The following ABCE1 variants were observed in gnomAD, a reference collection of about 807,000 sequenced individuals.
ABCE1 encodes the protein ATP binding cassette subfamily E member 1.
A neutral mutation model predicts 83.4 loss-of-function variants in ABCE1; 22 were observed. That is an observed-to-expected ratio of 0.26 (90% CI 0.19 to 0.38). ABCE1 has a LOEUF of 0.38. Ranked by LOEUF, ABCE1 falls within the 10% of genes least tolerant of loss-of-function variation. The pLI is 1.00. For synonymous variants in ABCE1, 204 were observed against 233.7 expected, an observed-to-expected ratio of 0.87 and a Z score of 1.16; for missense variants, 330 against 721.9, an observed-to-expected ratio of 0.46 and a Z score of 6.22.
chr4:145,101,353 A>G (rs1749151816), intron 1 of ABCE1, among the ~76,000 whole-genome samples: 1 of 152,234 alleles, frequency 6.6e-6, no homozygotes, highest in African/African-American at 2.4e-5. Context: ...CTGGAGCCAT[A>G]CAAGAGCTAG....
rs554127965 is a variant in ABCE1 at position 145,110,602 on chromosome 4, A to G, written c.613+158A>G. Reference sequence around the variant, plus strand: ...GCGATACTCCTGCCTCAGCCTCCCAAGTAGCTGGGATTACAGGCATGTGCC... The same window carrying G: ...GCGATACTCCTGCCTCAGCCTCCCAGGTAGCTGGGATTACAGGCATGTGCC... On this transcript the variant is annotated intron_variant, in intron 7 of 17. Coordinates refer to ENST00000296577, the MANE Select transcript of ABCE1 (RefSeq NM_002940.3). Among the ~76,000 whole-genome samples, 4 of 152,160 alleles carry G rather than the reference A, an allele frequency of 2.6e-5. No homozygotes were observed. The South Asian group carries it at 8.3e-4, about 32-fold the overall frequency.
chr4:145,120,191 G>T (rs1164197985), intron 11 of ABCE1, 38 bp downstream of exon 11: 1 of 1,525,712 alleles, frequency 6.6e-7, no homozygotes, highest in East Asian at 2.3e-5. Flanking sequence ...AAATCTTCCT[G>T]TTTATCTAGT....
At chr4:145,112,733 TATC>T (rs1417094279) in intron 9 of ABCE1, among the ~76,000 whole-genome samples, 3 of 152,302 alleles carry the variant, frequency 2.0e-5, no homozygotes, top group East Asian at 3.9e-4. Flanking sequence ...AAAAGAAAAT[TATC>T]ATAACTTCTG....
At chr4:145,102,012 A>G (rs1009897685) in intron 1 of ABCE1, among the ~76,000 whole-genome samples, 10 of 152,206 alleles carry the variant, frequency 6.6e-5, no homozygotes, top group Non-Finnish European at 1.2e-4. Flanking sequence ...AGCACTCTGC[A>G]TTTAGAAGCC....
chr4:145,109,704 C>T (rs946853851), intron 5 of ABCE1, among the ~76,000 whole-genome samples: 4 of 152,126 alleles, frequency 2.6e-5, no homozygotes, highest in African/African-American at 9.7e-5. Flanking sequence ...AGTGTGAATG[C>T]CGCCCTATTA....
intron 10 of ABCE1, among the ~76,000 whole-genome samples, 164 bp from the exon 11 acceptor site, chr4:145,119,768 A>C (rs1331439579): frequency 6.6e-5 from 10 of 151,896 alleles, no homozygotes; most frequent in Non-Finnish European, 1.0e-4. Context: ...ATTTAAACTT[A>C]CATTAAATAT....
At chr4:145,127,470 T>C in intron 17 of ABCE1, 56 bp from the exon 18 acceptor site, 7 of 1,470,944 alleles carry the variant, frequency 4.8e-6, no homozygotes, top group Non-Finnish European at 4.7e-6. Context: ...AAAGTCTACT[T>C]TTACCTATAG....
chr4:145,121,535 C>T (rs1278015351), intron 13 of ABCE1, 144 bp downstream of exon 13: 4 of 635,352 alleles, frequency 6.3e-6, no homozygotes, highest in East Asian at 2.8e-5. Context: ...ATTAAGAGTC[C>T]AATCCTTGAT....
intron 1 of ABCE1, among the ~76,000 whole-genome samples, chr4:145,101,252 T>C (rs1020069962): frequency 2.6e-5 from 4 of 152,064 alleles, no homozygotes; most frequent in Admixed American, 2.0e-4. Flanking sequence ...TGTAACTCTC[T>C]AGGGGGAATA....
At chr4:145,118,972 G>T (rs891945281) in intron 10 of ABCE1, among the ~76,000 whole-genome samples, 1 of 151,494 alleles carries the variant, frequency 6.6e-6, no homozygotes, top group African/African-American at 2.4e-5. Flanking sequence ...GGCTGCTAAG[G>T]TTCCTTTGAG....
In ABCE1 at chr4:145,124,971, ATTTT is replaced by A; in HGVS notation, c.1641-11_1641-8del. The stretch of plus-strand genomic sequence containing the variant: ...CTGAAGTAAAATTTAATCAAAATTG[ATTTT>A]TTTTTTTCTCTTAGTCCTCAAACCC... On this transcript the variant is annotated splice_polypyrimidine_tract_variant and intron_variant, in intron 16 of 17. Coordinates refer to ENST00000296577, the MANE Select transcript of ABCE1 (RefSeq NM_002940.3). The A allele has an allele frequency of 5.4e-6, 6 of 1,117,128 alleles. No individual in the cohort carries two copies. Among genetic ancestry groups the A allele is most frequent in the Non-Finnish European group, 7.5e-6 (6 of 799,998 alleles). The allele number at this position is 1,117,128 out of a possible 1,614,324, so 69.2% of individuals were successfully genotyped here.
chr4:145,123,881 A>G, intron 16 of ABCE1: 2 of 206,266 alleles, frequency 9.7e-6, no homozygotes, highest in Non-Finnish European at 2.0e-5. Flanking sequence ...TGTTTGCTTT[A>G]TTATTTGAAT....
chr4:145,119,945 T>C lies in ABCE1; in HGVS notation c.936T>C (p.Phe312=). 6.2e-7 allele frequency: 1 copy of C among 1,610,010 alleles called. No individual in the cohort carries two copies. ...PFSVREGINI[F]LDGYVPTENL... ...TCTTCCCAACAGGCATAAACATTTT[T>C]TTGGATGGCTATGTTCCAACAGAAA... Residue 312 remains phenylalanine, a synonymous_variant, in exon 11 of 18, where the codon TTT becomes TTC. Coordinates refer to ENST00000296577, the MANE Select transcript of ABCE1 (RefSeq NM_002940.3).
rs34510929 is a variant in ABCE1 at position 145,102,213 on chromosome 4, G to A, written c.-27-2173G>A. Among the ~76,000 whole-genome samples the A allele has an allele frequency of 4.4e-3, 676 of 152,258 alleles. 3 individuals carry two copies. The highest frequency in any genetic ancestry group is 0.015 in the African/African-American group (619 of 41,556). ...GCCATGTGAAGAACAATGATGGCTC[G>A]AAAAGTTTTGATTAAATGATGGGCT... On this transcript the variant is annotated intron_variant, in intron 1 of 17. Transcript: ENST00000296577.
At chr4:145,111,330 C>T (rs1016486104) in intron 8 of ABCE1, among the ~76,000 whole-genome samples, 1 of 152,036 alleles carries the variant, frequency 6.6e-6, no homozygotes, top group Non-Finnish European at 1.5e-5. Context: ...ATTATCTAAG[C>T]TCTCTTTTTT....
intron 9 of ABCE1, 66 bp downstream of exon 9, chr4:145,112,394 T>A: frequency 9.2e-7 from 1 of 1,082,736 alleles, no homozygotes; most frequent in Non-Finnish European, 1.3e-6. Flanking sequence ...TTCTAAGGAT[T>A]AAACACTGGG....
Position 145,121,226 on chromosome 4 carries a change from T to A in ABCE1, c.1197T>A (p.Asp399Glu). The A allele has an allele frequency of 1.9e-6, 3 of 1,613,812 alleles. No individual in the cohort carries two copies. The highest frequency in any genetic ancestry group is 2.5e-6 in the Non-Finnish European group (3 of 1,179,842). Residue 399 changes from aspartate (D) to glutamate (E), a missense_variant, in exon 12 of 18, where the codon GAT (aspartate) becomes GAA (glutamate). By Grantham distance (45) the Asp-to-Glu change is conservative (BLOSUM62 2). Coordinates refer to ENST00000296577, the MANE Select transcript of ABCE1 (RefSeq NM_002940.3). Reference protein sequence around the residue: ...IRMLAGRLKPDEGGEVPVLNV... With the variant: ...IRMLAGRLKPEEGGEVPVLNV... ...TGCTTGCTGGAAGACTTAAACCTGATGAAGGAGGTACATTTGTAACTGTTG... is the reference window on the plus strand; with the variant it reads ...TGCTTGCTGGAAGACTTAAACCTGAAGAAGGAGGTACATTTGTAACTGTTG...
Position 145,119,919 on chromosome 4 carries a change from T to A in ABCE1, c.923-13T>A. On this transcript the variant is annotated splice_polypyrimidine_tract_variant and intron_variant, in intron 10 of 17. Coordinates refer to ENST00000296577, the MANE Select transcript of ABCE1 (RefSeq NM_002940.3). ...TAATGATTTCTCCCGGTTGACAATT[T>A]TCTTCCCAACAGGCATAAACATTTT... 3 of 1,603,560 alleles carry A rather than the reference T, an allele frequency of 1.9e-6. No homozygotes were observed. Among genetic ancestry groups the A allele is most frequent in the Non-Finnish European group, 2.6e-6 (3 of 1,172,414 alleles).
chr4:145,103,829 T>C (rs1749219883), intron 1 of ABCE1, among the ~76,000 whole-genome samples: 1 of 150,988 alleles, frequency 6.6e-6, no homozygotes, highest in South Asian at 2.1e-4. Context: ...TAGTGTGATC[T>C]CAGCTCACTG....
Sources: allele counts gnomAD v4.1 joint callset (sites outside exome capture counted in the v4.1 genomes callset), GRCh38; gene constraint gnomAD v4.1.1; transcripts MANE v1.5; gene names NCBI Gene and HGNC (gene_info 2026-07-23, HGNC 2026-07-21).